Variants in CEBPZOS observed in about 807,000 individuals in gnomAD.
CEBPZOS encodes protein CEBPZOS.
A neutral mutation model predicts 4.8 loss-of-function variants in CEBPZOS; 10 were observed. The ratio of observed to expected loss-of-function variants is 2.07; its 90% confidence interval spans 1.28 to 3.52. The LOEUF (loss-of-function observed/expected upper bound fraction) is 3.52, where lower values mean the gene tolerates loss of function less well. Ranked by LOEUF, CEBPZOS falls within the 30% of genes most tolerant of loss-of-function variation. CEBPZOS has a pLI of 0.00. For synonymous variants in CEBPZOS, 25 were observed against 14.2 expected (o/e 1.77, Z -1.72); for missense variants, 98 against 43.6 (o/e 2.25, Z -3.51).
rs767752998 is a variant in CEBPZOS, at chr2:37,202,938, C to T, written c.*1078C>T. 4 of 1,593,984 alleles carry T rather than the reference C, an allele frequency of 2.5e-6. No individual in the cohort carries two copies. Among genetic ancestry groups the T allele is most frequent in the Admixed American group, 1.8e-5 (1 of 57,098 alleles). On this transcript the variant is annotated 3_prime_UTR_variant, in exon 5 of 5. Transcript: ENST00000402297. ...GAATAGCTAGCTTGTTAAAACAGTA[C>T]ATTAGCCTTACCTCTTCAGCAGATA...
In CEBPZOS at chr2:37,198,943, C is replaced by G. The variant is rs74824362; in HGVS notation, c.-1-761C>G. 4.9e-3 allele frequency among the ~76,000 whole-genome samples: 741 copies of G among 152,174 alleles called. 9 individuals carry two copies. Among genetic ancestry groups the G allele is most frequent in the African/African-American group, 0.016 (677 of 41,494 alleles). On this transcript the variant is annotated intron_variant, in intron 1 of 4. Coordinates refer to ENST00000402297, the MANE Select transcript of CEBPZOS (RefSeq NM_001322374.2). Reference sequence around the variant, plus strand: ...CTGAGGTGGGCGGATTGCTTGAGCTCACGGGTTCGAGACCAATCTGGGCAA... The same window carrying G: ...CTGAGGTGGGCGGATTGCTTGAGCTGACGGGTTCGAGACCAATCTGGGCAA...
chr2:37,210,282 CCCAGAG>C (rs1677679709), intron 4 of CEBPZOS: 1 of 151,800 alleles, frequency 6.6e-6, no homozygotes, highest in Non-Finnish European at 1.5e-5. Flanking sequence ...CTGGGTACTA[CCCAGAG>C]GAAAATAAGT....
downstream of CEBPZOS, among the ~76,000 whole-genome samples, chr2:37,207,250 CAG>C (rs1677570456): frequency 2.0e-5 from 3 of 152,276 alleles, no homozygotes; most frequent in African/African-American, 7.2e-5. Flanking sequence ...GTCATCAAGA[CAG>C]AAAGTCAACA....
intron 1 of CEBPZOS, among the ~76,000 whole-genome samples, chr2:37,199,217 T>C (rs963947825): frequency 6.6e-6 from 1 of 152,030 alleles, no homozygotes. Context: ...CTATAATATA[T>C]AGTATATGTA....
intron 1 of CEBPZOS, among the ~76,000 whole-genome samples, chr2:37,199,202 ACTAT>A (rs1007286131): frequency 3.3e-5 from 5 of 152,144 alleles, no homozygotes; most frequent in African/African-American, 1.2e-4. Flanking sequence ...GGATATCTAT[ACTAT>A]CTATAATATA....
At position 37,204,473 on chromosome 2, in the gene CEBPZOS, T is replaced by A. The variant is rs931712933; in HGVS notation, c.*2613T>A. On this transcript the variant is annotated 3_prime_UTR_variant, in exon 5 of 5. Coordinates refer to ENST00000402297, the MANE Select transcript of CEBPZOS (RefSeq NM_001322374.2). ...TTGTATTTTTAGTAGAGATGGGGTT[T>A]CATCATGTTGGCCAGGATGGTCTTG... The A allele has an allele frequency of 1.4e-5, 2 of 142,966 alleles. No individual in the cohort carries two copies. The highest frequency in any genetic ancestry group is 4.1e-4 in the East Asian group (2 of 4,862). The allele number at this position is 142,966 out of a possible 1,614,324, so 8.9% of individuals were successfully genotyped here.
chr2:37,202,830 C>G lies in CEBPZOS; in HGVS notation c.*970C>G. On this transcript the variant is annotated 3_prime_UTR_variant, in exon 5 of 5. Transcript: ENST00000402297. ...TGGCATTCATGCCAATGTTATCAAA[C>G]TTGGATCCCATATTTTCATCCAATA... The G allele has an allele frequency of 4.4e-6, 7 of 1,601,870 alleles. No individual in the cohort carries two copies. Among genetic ancestry groups the G allele is most frequent in the Non-Finnish European group, 6.0e-6 (7 of 1,174,602 alleles).
chr2:37,215,740 G>C (rs1677851652), downstream of CEBPZOS, among the ~76,000 whole-genome samples: 1 of 152,102 alleles, frequency 6.6e-6, no homozygotes, highest in Admixed American at 6.5e-5. Context: ...GACAAAACCA[G>C]CTGTGGGTTT....
intron 3 of CEBPZOS, 102 bp from the exon 4 acceptor site, chr2:37,201,540 G>A: frequency 1.6e-6 from 1 of 616,938 alleles, no homozygotes; most frequent in Non-Finnish European, 2.9e-6. Flanking sequence ...TTTTCATTTT[G>A]TTATGTAGCA....
Position 37,203,058 on chromosome 2 carries a change from T to G in CEBPZOS, c.*1198T>G. 7.9e-7 allele frequency: 1 copy of G among 1,258,586 alleles called. No individual in the cohort carries two copies. Among genetic ancestry groups the G allele is most frequent in the Non-Finnish European group, 1.1e-6 (1 of 913,060 alleles). The allele number at this position is 1,258,586 out of a possible 1,614,324, so 78.0% of individuals were successfully genotyped here. ...TATTCAATTATAAATCTAATGATTT[T>G]AGAAAAATGCAATGCAACATGATTT... On this transcript the variant is annotated 3_prime_UTR_variant, in exon 5 of 5. Coordinates refer to ENST00000402297, the MANE Select transcript of CEBPZOS (RefSeq NM_001322374.2).
intron 1 of CEBPZOS, 55 bp from the exon 2 acceptor site, chr2:37,199,649 A>G (rs1479980297): frequency 8.7e-6 from 6 of 690,688 alleles, no homozygotes; most frequent in East Asian, 8.1e-5. Flanking sequence ...GAGAAATGAT[A>G]ATAGTAGTTT....
chr2:37,207,706 G>C (rs987079617), downstream of CEBPZOS, among the ~76,000 whole-genome samples: 1 of 152,154 alleles, frequency 6.6e-6, no homozygotes, highest in Non-Finnish European at 1.5e-5. Flanking sequence ...AAGTCTGAAA[G>C]AGCATAAACA....
rs1196159105 is a variant in CEBPZOS at position 37,199,088 on chromosome 2, A to AGATTGT, written c.-1-614_-1-609dup. Among the ~76,000 whole-genome samples the AGATTGT allele has an allele frequency of 3.3e-5, 5 of 152,302 alleles. No individual in the cohort carries two copies. In the South Asian group the frequency reaches 1.0e-3, roughly 32 times the overall value. On this transcript the variant is annotated intron_variant, in intron 1 of 4. Transcript: ENST00000402297. ...AGGATTGTTTGAGCCCAGTGAGCTG[A>AGATTGT]GATTGTGCCACTGCACTCCAAATGC...
intron 4 of CEBPZOS, chr2:37,211,993 CAT>C: frequency 1.2e-6 from 2 of 1,611,090 alleles, no homozygotes; most frequent in Non-Finnish European, 1.7e-6. Context: ...TCTGAATCTT[CAT>C]CTAATGTGTT....
intron 2 of CEBPZOS, among the ~76,000 whole-genome samples, chr2:37,200,639 A>G (rs902262174): frequency 7.5e-5 from 11 of 146,704 alleles, no homozygotes; most frequent in African/African-American, 1.8e-4. Flanking sequence ...TGGGCTAAAC[A>G]TAACAAGACA....
intron 1 of CEBPZOS, among the ~76,000 whole-genome samples, chr2:37,196,870 G>A (rs958144846): frequency 2.0e-5 from 3 of 152,214 alleles, no homozygotes; most frequent in East Asian, 1.9e-4. Flanking sequence ...GGGGAGCGGA[G>A]GCGGCCAGCT....
intron 1 of CEBPZOS, among the ~76,000 whole-genome samples, chr2:37,197,662 G>T (rs180701864): frequency 1.3e-4 from 19 of 151,034 alleles, no homozygotes; most frequent in African/African-American, 4.6e-4. Context: ...ACTTGAGGTC[G>T]GAAGTTAGCC....
At chr2:37,211,101 T>G in intron 4 of CEBPZOS, 1 of 1,560,994 alleles carries the variant, frequency 6.4e-7, no homozygotes, top group East Asian at 2.2e-5. Context: ...CGAAAAAATT[T>G]GCTAATAAGC....
At chr2:37,214,110 T>C, downstream of CEBPZOS, 1 of 482,640 alleles carries the variant, frequency 2.1e-6, no homozygotes, top group Non-Finnish European at 3.6e-6. Flanking sequence ...TTGTATCTAA[T>C]ATACAAAAAA....
Sources: allele counts gnomAD v4.1 joint callset (sites outside exome capture counted in the v4.1 genomes callset), GRCh38; gene constraint gnomAD v4.1.1; transcripts MANE v1.5; gene names NCBI Gene and HGNC (gene_info 2026-07-23, HGNC 2026-07-21).